Variants in CTNND2 observed in about 807,000 individuals in gnomAD.
CTNND2 encodes catenin delta 2.
Under a neutral mutation model 144.4 loss-of-function variants are expected in CTNND2, and 22 were observed. That is an observed-to-expected ratio of 0.15 (90% CI 0.11 to 0.22). The LOEUF (loss-of-function observed/expected upper bound fraction) is 0.22, where lower values mean the gene tolerates loss of function less well. Ranked by LOEUF, CTNND2 falls within the 10% of genes least tolerant of loss-of-function variation. CTNND2 has a pLI of 1.00. For synonymous variants in CTNND2, 751 were observed against 695.6 expected, an observed-to-expected ratio of 1.08 and a Z score of -1.25; for missense variants, 1,353 against 1,618.8, an observed-to-expected ratio of 0.84 and a Z score of 2.82.
At chr5:11,849,225 A>T (rs1281800860) in intron 1 of CTNND2, among the ~76,000 whole-genome samples, 1 of 152,166 alleles carries the variant, frequency 6.6e-6, no homozygotes, top group East Asian at 1.9e-4. Context: ...TTATAAAACC[A>T]TCAGATCTCA....
chr5:11,059,861 T>C (rs1013772384), intron 16 of CTNND2, among the ~76,000 whole-genome samples: 2 of 152,102 alleles, frequency 1.3e-5, no homozygotes, highest in Admixed American at 1.3e-4. Flanking sequence ...AATATATGTG[T>C]ATATATATAG....
chr5:11,094,480 CTTTTTTTTT>C (rs35048441), intron 15 of CTNND2, among the ~76,000 whole-genome samples: 8 of 127,876 alleles, frequency 6.3e-5, no homozygotes, highest in African/African-American at 2.3e-4. Context: ...AGAGTTCTTG[CTTTTTTTTT>C]TTTTTTTTTG....
chr5:11,424,051 C>T (rs182028174), intron 3 of CTNND2, among the ~76,000 whole-genome samples: 123 of 152,300 alleles, frequency 8.1e-4, no homozygotes, highest in Admixed American at 5.4e-3. Context: ...TTTTGACCAT[C>T]TGAGTCATCT....
In CTNND2 at chr5:11,443,277, GTGTGCA is replaced by G. The variant is rs1457791703; in HGVS notation, c.288-31214_288-31209del. On this transcript the variant is annotated intron_variant, in intron 3 of 21. Transcript: ENST00000304623. ...GCTGTGTGTGGTGTGTGTGTGGTAT[GTGTGCA>G]TGTGTGTGGTGTGTGTGCATGTGTG... Among the ~76,000 whole-genome samples, 606 of 79,972 alleles carry G rather than the reference GTGTGCA, an allele frequency of 7.6e-3. 6 individuals are homozygous for G. Among genetic ancestry groups the G allele is most frequent in the African/African-American group, 0.054 (548 of 10,060 alleles). The allele number at this position is 79,972 out of a possible 152,430, so 52.5% of individuals were successfully genotyped here. A position where few individuals can be genotyped will look rare whatever the true frequency, so the allele number is the denominator to read the frequency against.
rs1422404881 is a variant in CTNND2 at position 11,113,192 on chromosome 5, G to C, written c.2278-2149C>G. Among the ~76,000 whole-genome samples the C allele has an allele frequency of 2.6e-5, 4 of 152,208 alleles. No homozygotes were observed. The East Asian group carries it at 7.7e-4, about 29-fold the overall frequency. On this transcript the variant is annotated intron_variant, in intron 13 of 21. Coordinates refer to ENST00000304623, the MANE Select transcript of CTNND2 (RefSeq NM_001332.4). ...AAAAAACACCAGTATCATGTACAGA[G>C]CCACAGTGAGGGTTAATAAGCTCAC...
At chr5:11,113,382 C>T (rs1753202298) in intron 13 of CTNND2, among the ~76,000 whole-genome samples, 1 of 152,102 alleles carries the variant, frequency 6.6e-6, no homozygotes, top group African/African-American at 2.4e-5. Context: ...GACACCCAGG[C>T]CCATTTGTTT....
chr5:11,168,419 A>C, intron 11 of CTNND2, among the ~76,000 whole-genome samples: 1 of 152,224 alleles, frequency 6.6e-6, no homozygotes, highest in East Asian at 1.9e-4. Flanking sequence ...TGTAAAAGTC[A>C]TGGGTTCATC....
Position 11,346,625 on chromosome 5 carries a change from G to T in CTNND2, c.1375C>A (p.Pro459Thr), listed in dbSNP as rs1184220744. 1 of 1,488,972 alleles carries T rather than the reference G, an allele frequency of 6.7e-7. No individual in the cohort carries two copies. The highest frequency in any genetic ancestry group is 9.0e-7 in the Non-Finnish European group (1 of 1,116,038). The allele number at this position is 1,488,972 out of a possible 1,614,324, so 92.2% of individuals were successfully genotyped here. A position where few individuals can be genotyped will look rare whatever the true frequency, so the allele number is the denominator to read the frequency against. The change falls in exon 9 of 22, where the codon CCA becomes ACA. Residue 459 changes from proline (P) to threonine (T), a missense_variant and splice_region_variant. Physicochemically the swap from Pro to Thr is conservative, Grantham distance 38. Coordinates refer to ENST00000304623, the MANE Select transcript of CTNND2 (RefSeq NM_001332.4). ...HTGTYRTSTA[P>T]SSPGVDSVPL... ...ACGGAGTCGACACCAGGGGAAGATG[G>T]GGCTACGACAGGAAAGTAGGGACAA...
intron 2 of CTNND2, among the ~76,000 whole-genome samples, chr5:11,721,380 T>C (rs1356489717): frequency 6.6e-6 from 1 of 151,994 alleles, no homozygotes; most frequent in Non-Finnish European, 1.5e-5. Context: ...AGCTGTTTTT[T>C]TTTAAATTCA....
intron 3 of CTNND2, among the ~76,000 whole-genome samples, chr5:11,541,897 C>T (rs555231217): frequency 4.6e-5 from 7 of 150,836 alleles, no homozygotes; most frequent in African/African-American, 1.7e-4. Flanking sequence ...TTCCCTCACC[C>T]CAAGCAACTT....
At chr5:11,638,276 T>C (rs1781815686) in intron 2 of CTNND2, among the ~76,000 whole-genome samples, 1 of 152,164 alleles carries the variant, frequency 6.6e-6, no homozygotes, top group Non-Finnish European at 1.5e-5. Flanking sequence ...ATTCAGCTCC[T>C]CAGAAAGCCA....
intron 1 of CTNND2, among the ~76,000 whole-genome samples, chr5:11,872,454 G>A (rs1392542054): frequency 7.9e-5 from 12 of 152,216 alleles, no homozygotes; most frequent in East Asian, 3.9e-4. Flanking sequence ...TTGAGGAATC[G>A]CCATACTGTC....
intron 14 of CTNND2, among the ~76,000 whole-genome samples, chr5:11,107,026 A>G (rs754955179): frequency 2.6e-5 from 4 of 152,198 alleles, no homozygotes; most frequent in African/African-American, 4.8e-5. Context: ...TGAAGACTCA[A>G]GAGACCGGAG....
At position 11,373,899 on chromosome 5, in the gene CTNND2, T is replaced by A. The variant is rs370052333; in HGVS notation, c.1178-9009A>T. On this transcript the variant is annotated intron_variant, in intron 7 of 21. Coordinates refer to ENST00000304623, the MANE Select transcript of CTNND2 (RefSeq NM_001332.4). The stretch of plus-strand genomic sequence containing the variant: ...GAAAGTAGAGGCTGCTTTTTGCCCC[T>A]GGCATGCTACACCTAGGGGCATGTC... Among the ~76,000 whole-genome samples, 3 of 152,182 alleles carry A rather than the reference T, an allele frequency of 2.0e-5. No homozygotes were observed. In the East Asian group the frequency reaches 5.8e-4, roughly 29 times the overall value.
chr5:11,318,656 CA>C (rs1236914401), intron 9 of CTNND2, among the ~76,000 whole-genome samples: 1 of 152,118 alleles, frequency 6.6e-6, no homozygotes, highest in Admixed American at 6.5e-5. Context: ...AAAATGTAGA[CA>C]AATCGTCCCC....
chr5:11,795,590 G>A (rs1209383262), intron 1 of CTNND2, among the ~76,000 whole-genome samples: 1 of 152,156 alleles, frequency 6.6e-6, no homozygotes, highest in Non-Finnish European at 1.5e-5. Context: ...GATAGAAGGG[G>A]AAATGAAAGA....
chr5:11,360,250 A>T (rs528086033), intron 8 of CTNND2, among the ~76,000 whole-genome samples: 4 of 152,272 alleles, frequency 2.6e-5, no homozygotes, highest in East Asian at 3.9e-4. Flanking sequence ...CTAAGGGGAA[A>T]AGCTAATTGA....
intron 9 of CTNND2, among the ~76,000 whole-genome samples, chr5:11,292,547 A>G (rs912462192): frequency 6.6e-6 from 1 of 152,158 alleles, no homozygotes; most frequent in African/African-American, 2.4e-5. Flanking sequence ...GAATTCTCAC[A>G]AGATTTGATG....
intron 3 of CTNND2, among the ~76,000 whole-genome samples, chr5:11,552,635 A>C (rs1775862264): frequency 1.3e-5 from 2 of 152,228 alleles, no homozygotes; most frequent in Non-Finnish European, 2.9e-5. Context: ...GGCACGCCTT[A>C]AATGTGTCGC....
Sources: allele counts gnomAD v4.1 joint callset (sites outside exome capture counted in the v4.1 genomes callset), GRCh38; gene constraint gnomAD v4.1.1; transcripts MANE v1.5; gene names NCBI Gene and HGNC (gene_info 2026-07-23, HGNC 2026-07-21).